The following NADK2 variants were observed in gnomAD, a reference collection of about 807,000 sequenced individuals.
NADK2 encodes the protein NAD kinase 2, mitochondrial.
NADK2 carries 35 observed loss-of-function variants against 62.1 expected under a neutral mutation model. That is an observed-to-expected ratio of 0.56 (90% CI 0.43 to 0.75). NADK2 has a LOEUF of 0.75. Ranked by LOEUF, NADK2 falls within the 30% of genes least tolerant of loss-of-function variation. NADK2 has a pLI of 0.00. For missense variants in NADK2, 439 were observed against 561.3 expected (o/e 0.78, Z 2.20); for synonymous variants, 205 against 207.9 (o/e 0.99, Z 0.12).
intron 8 of NADK2, among the ~76,000 whole-genome samples, chr5:36,202,297 A>C (rs1271798080): frequency 2.6e-5 from 4 of 152,098 alleles, no homozygotes; most frequent in Non-Finnish European, 5.9e-5. Context: ...TCCATCTCCT[A>C]AACATACATC....
At chr5:36,229,512 T>C (rs1416952258) in intron 1 of NADK2, among the ~76,000 whole-genome samples, 1 of 151,952 alleles carries the variant, frequency 6.6e-6, no homozygotes, top group Non-Finnish European at 1.5e-5. Context: ...CAACAGAGCA[T>C]GAATATTCAG....
chr5:36,236,045 T>C (rs1196367687), intron 1 of NADK2, among the ~76,000 whole-genome samples: 1 of 152,014 alleles, frequency 6.6e-6, no homozygotes, highest in Non-Finnish European at 1.5e-5. Flanking sequence ...TGAGAAGAGA[T>C]TAATGTGCAT....
In NADK2 at chr5:36,234,724, G is replaced by A. The variant is rs530757538; in HGVS notation, c.300+6775C>T. On this transcript the variant is annotated intron_variant, in intron 1 of 11. Coordinates refer to ENST00000381937, the MANE Select transcript of NADK2 (RefSeq NM_001085411.3). ...ATGGCAGAATATTAATAGCTGTTAA[G>A]TCTAGGTAGCTGAATACACAGGTGT... is the stretch of plus-strand genomic sequence containing the variant. 6.6e-5 allele frequency among the ~76,000 whole-genome samples: 10 copies of A among 152,288 alleles called. 1 individual carries two copies. The South Asian group carries it at 2.1e-3, about 32-fold the overall frequency.
At chr5:36,217,668 T>TAA in intron 6 of NADK2, 80 bp downstream of exon 6, 1 of 846,654 alleles carries the variant, frequency 1.2e-6, no homozygotes, top group Admixed American at 2.5e-5. Flanking sequence ...ACAAGTAAAT[T>TAA]ATTACATCAA....
rs773551206 is a variant in NADK2 at position 36,207,234 on chromosome 5, C to T, written c.892G>A (p.Gly298Ser). Residue 298 changes from glycine to serine, a missense_variant, in exon 8 of 12, where the codon GGT (glycine) becomes AGT (serine). Coordinates refer to ENST00000381937, the MANE Select transcript of NADK2 (RefSeq NM_001085411.3). The part of the protein sequence containing the change: ...ASYYEISVDD[G>S]PWEKQKSSGL... The stretch of plus-strand genomic sequence containing the variant: ...GAACTCTTCTGTTTTTCCCATGGAC[C>T]ATCATCAACTGAAATCTCATAGTAG... The T allele has an allele frequency of 3.1e-6, 5 of 1,612,796 alleles. No homozygotes were observed. The Admixed American group carries it at 8.3e-5, about 27-fold the overall frequency.
chr5:36,238,969 A>G (rs905097597), intron 1 of NADK2, among the ~76,000 whole-genome samples: 16 of 152,208 alleles, frequency 1.1e-4, no homozygotes, highest in Non-Finnish European at 2.4e-4. Context: ...CCTTCAGGGT[A>G]TAAAATTATA....
intron 5 of NADK2, 21 bp downstream of exon 5, chr5:36,219,575 A>C (rs763949878): frequency 6.3e-7 from 1 of 1,595,814 alleles, no homozygotes; most frequent in South Asian, 1.1e-5. Context: ...TTACATAAGA[A>C]CAACCGTAAG....
chr5:36,200,425 AAAC>A (rs1746400386), intron 9 of NADK2, 145 bp from the exon 10 acceptor site: 8 of 372,434 alleles, frequency 2.1e-5, no homozygotes, highest in Admixed American at 1.4e-4. Flanking sequence ...AGCTAATATA[AAAC>A]AACATGTATA....
chr5:36,215,047 T>G (rs1246698689), intron 6 of NADK2, among the ~76,000 whole-genome samples: 1 of 152,182 alleles, frequency 6.6e-6, no homozygotes, highest in Non-Finnish European at 1.5e-5. Context: ...CCATTTTATA[T>G]GAGGGATGTG....
At chr5:36,219,534 C>A in intron 5 of NADK2, 62 bp downstream of exon 5, 1 of 1,415,502 alleles carries the variant, frequency 7.1e-7, no homozygotes, top group Non-Finnish European at 1.0e-6. Flanking sequence ...TTTTTAACAG[C>A]ATTATTAATG....
At chr5:36,217,323 C>A (rs1392906827) in intron 6 of NADK2, among the ~76,000 whole-genome samples, 3 of 152,126 alleles carry the variant, frequency 2.0e-5, no homozygotes, top group Non-Finnish European at 4.4e-5. Context: ...ACAAATACTT[C>A]AAGCACAAAT....
In NADK2 at chr5:36,225,652, A is replaced by G. The variant is rs771641653; in HGVS notation, c.479-29T>C. ...AGGAACATAAGACAAAATACAAGAC[A>G]TAACCAAATTTCTGTTATAAATCTA... On this transcript the variant is annotated intron_variant, in intron 3 of 11. Transcript: ENST00000381937. 15 of 1,588,878 alleles carry G rather than the reference A, an allele frequency of 9.4e-6. No homozygotes were observed. In the East Asian group the frequency reaches 3.4e-4, roughly 36 times the overall value.
chr5:36,238,617 T>C (rs1283489402), intron 1 of NADK2, among the ~76,000 whole-genome samples: 1 of 152,232 alleles, frequency 6.6e-6, no homozygotes, highest in Non-Finnish European at 1.5e-5. Flanking sequence ...TTCTAATTTG[T>C]GTCAAGGACC....
At chr5:36,198,687 G>T (rs939149694) in intron 10 of NADK2, among the ~76,000 whole-genome samples, 2 of 148,842 alleles carry the variant, frequency 1.3e-5, no homozygotes, top group African/African-American at 4.9e-5. Flanking sequence ...TATTTTTTAA[G>T]TTGAATTATA....
Position 36,201,216 on chromosome 5 carries a change from T to A in NADK2, c.957-55A>T. The A allele has an allele frequency of 9.5e-6, 14 of 1,469,574 alleles. No homozygotes were observed. In the Admixed American group the frequency reaches 1.1e-4, roughly 11 times the overall value. The allele number at this position is 1,469,574 out of a possible 1,614,324, so 91.0% of individuals were successfully genotyped here. A position where few individuals can be genotyped will look rare whatever the true frequency, so the allele number is the denominator to read the frequency against. ...TTTAATTCTAAAAACATGCTAAAAA[T>A]CAAAAAGGAATAACCTACTTAAAAT... On this transcript the variant is annotated intron_variant, in intron 8 of 11. Transcript: ENST00000381937.
intron 1 of NADK2, among the ~76,000 whole-genome samples, chr5:36,233,679 G>A (rs545492615): frequency 1.4e-4 from 22 of 152,086 alleles, no homozygotes; most frequent in African/African-American, 5.3e-4. Flanking sequence ...ATTTAAAGAT[G>A]TTTTTATAAA....
chr5:36,215,066 C>T (rs533967702), intron 6 of NADK2, among the ~76,000 whole-genome samples: 23 of 152,196 alleles, frequency 1.5e-4, no homozygotes, highest in African/African-American at 5.3e-4. Flanking sequence ...TGAACATCCT[C>T]GAATTTTGGT....
At chr5:36,211,969 T>C in intron 6 of NADK2, 47 bp from the exon 7 acceptor site, 1 of 1,403,462 alleles carries the variant, frequency 7.1e-7, no homozygotes. Context: ...CTCCTTGATT[T>C]CTAGAAATGT....
chr5:36,232,050 T>A (rs1747727770), intron 1 of NADK2, among the ~76,000 whole-genome samples: 1 of 152,056 alleles, frequency 6.6e-6, no homozygotes, highest in Non-Finnish European at 1.5e-5. Context: ...TCCTACAGAA[T>A]CTCCGAAAGC....
Sources: gnomAD v4.1 joint callset for allele counts (sites outside exome capture counted in the v4.1 genomes callset) on GRCh38, gnomAD v4.1.1 for gene constraint, MANE v1.5 for transcripts, NCBI Gene and HGNC (gene_info 2026-07-23, HGNC 2026-07-21) for gene names.